The following KRABD3 variants were observed in gnomAD, a reference collection of about 807,000 sequenced individuals.
The protein encoded by KRABD3 is KRAB domain-containing protein 3.
the KRABD3 span, chr7:149,733,565 C>T: frequency 6.2e-7 from 1 of 1,600,792 alleles, no homozygotes; most frequent in Non-Finnish European, 8.5e-7. Context: ...TGGTCACAGA[C>T]ATCTGCCCTA....
the KRABD3 span, among the ~76,000 whole-genome samples, chr7:149,723,116 C>G: frequency 6.6e-6 from 1 of 152,236 alleles, no homozygotes; most frequent in African/African-American, 2.4e-5. Flanking sequence ...CTCTTAAGGG[C>G]AGCGTTTGGT....
At chr7:149,719,452 C>T in the KRABD3 span, 2 of 1,345,504 alleles carry the variant, frequency 1.5e-6, no homozygotes, top group Non-Finnish European at 2.0e-6. The surrounding 1 kb of genome is among the most constrained non-coding windows in gnomAD (Gnocchi z 5.6). Flanking sequence ...GGAGTGTGCG[C>T]CTGGAGGCCT....
At chr7:149,722,450 G>A in the KRABD3 span, 5 of 1,608,082 alleles carry the variant, frequency 3.1e-6, no homozygotes, top group South Asian at 4.5e-5. Flanking sequence ...GGCCTACAAG[G>A]AAGGAAGGCC....
chr7:149,730,675 G>GCAAA, the KRABD3 span: 1 of 1,376,956 alleles, frequency 7.3e-7, no homozygotes, highest in Non-Finnish European at 9.8e-7. Flanking sequence ...CTCTTGCCAG[G>GCAAA]GAGTCCTGCA....
the KRABD3 span, chr7:149,715,216 G>A: frequency 6.6e-6 from 8 of 1,216,932 alleles, no homozygotes; most frequent in Non-Finnish European, 8.2e-6. Flanking sequence ...GGAAGTTCAG[G>A]TCCTCGGACA....
At chr7:149,731,583 G>A in the KRABD3 span, 3 of 970,662 alleles carry the variant, frequency 3.1e-6, no homozygotes, top group Middle Eastern at 2.1e-4. Context: ...TTTAAAAGTT[G>A]AGAGTTTGAT....
the KRABD3 span, chr7:149,731,832 C>T: frequency 7.2e-7 from 1 of 1,386,734 alleles, no homozygotes. Flanking sequence ...AGAGCCCCAG[C>T]TTGGGGAAAA....
At chr7:149,725,051 C>T in the KRABD3 span, among the ~76,000 whole-genome samples, 1 of 152,238 alleles carries the variant, frequency 6.6e-6, no homozygotes, top group South Asian at 2.1e-4. Context: ...CTTCGTTTTG[C>T]AGTGATTCCT....
At chr7:149,720,558 G>C in the KRABD3 span, among the ~76,000 whole-genome samples, 1 of 152,226 alleles carries the variant, frequency 6.6e-6, no homozygotes, top group African/African-American at 2.4e-5. Context: ...GCGGCAGCCC[G>C]CCTGGGCATT....
the KRABD3 span, chr7:149,733,267 T>C: frequency 7.4e-6 from 12 of 1,612,198 alleles, no homozygotes; most frequent in African/African-American, 1.3e-5. Flanking sequence ...AGTCTCCCCC[T>C]CCGGAGCTGC....
the KRABD3 span, among the ~76,000 whole-genome samples, chr7:149,720,405 C>T: frequency 1.3e-5 from 2 of 152,260 alleles, no homozygotes; most frequent in Non-Finnish European, 2.9e-5. Context: ...GCAGAACCTG[C>T]TCCAGCTCCC....
the KRABD3 span, chr7:149,723,863 C>T: frequency 6.2e-7 from 1 of 1,613,772 alleles, no homozygotes; most frequent in Admixed American, 1.7e-5. Flanking sequence ...CAGGAGAATC[C>T]AGGAGCCTGG....
At chr7:149,733,758 T>A in the KRABD3 span, 3,852 of 1,591,074 alleles carry the variant, frequency 2.4e-3, 49 homozygotes, top group African/African-American at 0.032. Flanking sequence ...CAGCAGCTGC[T>A]GTCCTCTACA....
chr7:149,724,555 G>T, the KRABD3 span: 49 of 866,864 alleles, frequency 5.7e-5, no homozygotes, highest in Non-Finnish European at 7.7e-5. Context: ...AGGCACAGGG[G>T]CTTTGGAAGC....
the KRABD3 span, chr7:149,721,109 C>T: frequency 4.4e-6 from 6 of 1,348,764 alleles, no homozygotes; most frequent in African/African-American, 1.4e-5. Context: ...GCAGAGTCAC[C>T]TGCTGTTCCT....
the KRABD3 span, chr7:149,724,689 T>G: frequency 1.9e-6 from 3 of 1,548,442 alleles, no homozygotes; most frequent in Non-Finnish European, 2.6e-6. Context: ...CCCATCCTGA[T>G]CTTGGAGCTG....
the KRABD3 span, chr7:149,720,187 A>C: frequency 6.5e-7 from 1 of 1,538,028 alleles, no homozygotes; most frequent in Non-Finnish European, 8.8e-7. Context: ...AGCCCCAGGC[A>C]ATGCGTGACC....
the KRABD3 span, among the ~76,000 whole-genome samples, chr7:149,718,513 CTTTTTTTTTTTTTT>C: frequency 1.2e-5 from 1 of 81,970 alleles, no homozygotes; most frequent in Non-Finnish European, 2.2e-5. Context: ...CACTGAAGGA[CTTTTTTTTTTTTTT>C]TTTTTTTTTG....
At chr7:149,733,240 G>A in the KRABD3 span, 128 of 1,610,102 alleles carry the variant, frequency 7.9e-5, no homozygotes, top group Non-Finnish European at 9.7e-5. Flanking sequence ...CCCAGGGCCC[G>A]CCTGAGCTGC....
Sources: allele counts gnomAD v4.1 joint callset (sites outside exome capture counted in the v4.1 genomes callset), GRCh38; gene constraint gnomAD v4.1.1; non-coding constraint Gnocchi (gnomAD v3.1); transcripts MANE v1.5; gene names NCBI Gene and HGNC (gene_info 2026-07-23, HGNC 2026-07-21).